The following DCC variants were observed in gnomAD, a reference collection of about 807,000 sequenced individuals.
DCC encodes DCC netrin 1 receptor, also known as netrin receptor DCC.
In DCC, 58 loss-of-function variants were observed where a neutral mutation model predicts 172.5. The observed-to-expected ratio is 0.34, with a 90% CI of 0.27 to 0.42. DCC has a LOEUF of 0.42. Ranked by LOEUF, DCC falls within the 10% of genes least tolerant of loss-of-function variation. DCC has a pLI of 1.00. For synonymous variants in DCC, 709 were observed against 644.5 expected, an observed-to-expected ratio of 1.10 and a Z score of -1.52; for missense variants, 1,740 against 1,791.0, an observed-to-expected ratio of 0.97 and a Z score of 0.51.
chr18:52,394,522 C>T (rs937505487), intron 1 of DCC, among the ~76,000 whole-genome samples: 1 of 151,924 alleles, frequency 6.6e-6, no homozygotes, highest in Non-Finnish European at 1.5e-5. Flanking sequence ...GGTGATCCTC[C>T]TGCCTTGGCC....
At chr18:53,334,872 T>A (rs2057574142) in intron 14 of DCC, among the ~76,000 whole-genome samples, 1 of 152,216 alleles carries the variant, frequency 6.6e-6, no homozygotes, top group African/African-American at 2.4e-5. Flanking sequence ...CTTTTGGCTA[T>A]TGTAAATGAT....
chr18:53,068,736 G>A (rs1444004837), intron 7 of DCC, among the ~76,000 whole-genome samples: 1 of 150,354 alleles, frequency 6.7e-6, no homozygotes, highest in Non-Finnish European at 1.5e-5. Flanking sequence ...TCCTGTACCA[G>A]CCAAGTTATA....
At chr18:52,662,200 T>A (rs948584454) in intron 1 of DCC, among the ~76,000 whole-genome samples, 1 of 152,192 alleles carries the variant, frequency 6.6e-6, no homozygotes, top group Admixed American at 6.6e-5. Flanking sequence ...CCTAGGAATA[T>A]ACATTTCTAA....
intron 2 of DCC, among the ~76,000 whole-genome samples, chr18:52,824,088 C>A (rs1468814172): frequency 6.6e-6 from 1 of 152,136 alleles, no homozygotes; most frequent in Non-Finnish European, 1.5e-5. Context: ...TGGTATCTTT[C>A]CATTTAAAAA....
chr18:52,572,765 T>G (rs1054120703), intron 1 of DCC, among the ~76,000 whole-genome samples: 1 of 151,912 alleles, frequency 6.6e-6, no homozygotes, highest in African/African-American at 2.4e-5. Context: ...TTCCTGGGAG[T>G]GATATAAAGT....
At chr18:52,512,274 T>G (rs1348458481) in intron 1 of DCC, among the ~76,000 whole-genome samples, 1 of 152,182 alleles carries the variant, frequency 6.6e-6, no homozygotes, top group African/African-American at 2.4e-5. Flanking sequence ...TCCATCTACA[T>G]TTCCTCCTTA....
chr18:53,377,369 G>GAA lies in DCC; in HGVS notation c.2360-8673_2360-8672insAA, dbSNP rs1355703767. On this transcript the variant is annotated intron_variant, in intron 15 of 28. Transcript: ENST00000442544. Reference sequence around the variant, plus strand: ...GATGCATTTGAGAGAGAGAGAGAGAGAGAGAGAGAGAGAGAGAGAGGAAGA... The same window carrying GAA: ...GATGCATTTGAGAGAGAGAGAGAGAGAAAGAGAGAGAGAGAGAGAGAGGAAGA... Among the ~76,000 whole-genome samples, 100 of 151,796 alleles carry GAA rather than the reference G, an allele frequency of 6.6e-4. 1 individual carries two copies. In the East Asian group the frequency reaches 8.2e-3, roughly 12 times the overall value.
rs566150391 is a variant in DCC at position 53,464,962 on chromosome 18, A to T, written c.3620-2932A>T. Reference sequence around the variant, plus strand: ...CCACTGCACTCCAGCCTGGGCGACAAGAGCAAAACTCAATCTCAAAAAAAA... The same window carrying T: ...CCACTGCACTCCAGCCTGGGCGACATGAGCAAAACTCAATCTCAAAAAAAA... On this transcript the variant is annotated intron_variant, in intron 24 of 28. Transcript: ENST00000442544. Among the ~76,000 whole-genome samples, 37 of 148,208 alleles carry T rather than the reference A, an allele frequency of 2.5e-4. No individual in the cohort carries two copies. The East Asian group carries it at 6.8e-3, about 27-fold the overall frequency.
At chr18:52,854,778 C>G (rs921387169) in intron 2 of DCC, among the ~76,000 whole-genome samples, 1 of 152,116 alleles carries the variant, frequency 6.6e-6, no homozygotes, top group Non-Finnish European at 1.5e-5. Context: ...ATATGTAATT[C>G]CAGAAAAGAA....
In DCC at chr18:52,912,448, A is replaced by G. The variant is rs377435718; in HGVS notation, c.697+6120A>G. Reference sequence around the variant, plus strand: ...GTATTAATTTGTCTACTGGTAGTTCATTACACATGCTTTAAGCTATTTATC... The same window carrying G: ...GTATTAATTTGTCTACTGGTAGTTCGTTACACATGCTTTAAGCTATTTATC... On this transcript the variant is annotated intron_variant, in intron 3 of 28. Transcript: ENST00000442544. Among the ~76,000 whole-genome samples, 11 of 152,028 alleles carry G rather than the reference A, an allele frequency of 7.2e-5. No individual in the cohort carries two copies. In the East Asian group the frequency reaches 7.7e-4, roughly 11 times the overall value.
intron 1 of DCC, among the ~76,000 whole-genome samples, chr18:52,595,262 C>G (rs1411862098): frequency 1.3e-5 from 2 of 151,566 alleles, no homozygotes; most frequent in African/African-American, 4.8e-5. Context: ...TTTTTTTATT[C>G]CATCCCCAAA....
intron 1 of DCC, among the ~76,000 whole-genome samples, chr18:52,370,380 T>C (rs1443987208): frequency 1.3e-5 from 2 of 152,138 alleles, no homozygotes; most frequent in Non-Finnish European, 2.9e-5. Flanking sequence ...ATATACACCA[T>C]GGAATAAAAG....
intron 5 of DCC, among the ~76,000 whole-genome samples, chr18:53,000,404 A>AG (rs991463877): frequency 9.2e-5 from 14 of 151,906 alleles, no homozygotes; most frequent in African/African-American, 3.4e-4. Flanking sequence ...GGGGGTTGTA[A>AG]GGAGGGATTG....
chr18:52,824,484 C>T (rs910835855), intron 2 of DCC, among the ~76,000 whole-genome samples: 2 of 151,980 alleles, frequency 1.3e-5, no homozygotes, highest in African/African-American at 2.4e-5. Flanking sequence ...GGCTTTAAAT[C>T]TGTATTCATA....
At chr18:52,695,065 T>A (rs948418806) in intron 1 of DCC, among the ~76,000 whole-genome samples, 1 of 152,110 alleles carries the variant, frequency 6.6e-6, no homozygotes, top group Non-Finnish European at 1.5e-5. Flanking sequence ...AATTTTGACA[T>A]CAGCTGTAAA....
chr18:52,890,711 A>G (rs770247170), intron 2 of DCC, among the ~76,000 whole-genome samples: 1 of 152,134 alleles, frequency 6.6e-6, no homozygotes, highest in Non-Finnish European at 1.5e-5. Flanking sequence ...AACTACAATT[A>G]CAATAAAATA....
At chr18:52,399,966 A>G (rs1986374542) in intron 1 of DCC, among the ~76,000 whole-genome samples, 1 of 152,048 alleles carries the variant, frequency 6.6e-6, no homozygotes, top group African/African-American at 2.4e-5. Context: ...GTAACAAATT[A>G]GTGACTACCT....
At chr18:52,418,205 A>G (rs914630345) in intron 1 of DCC, among the ~76,000 whole-genome samples, 1 of 152,216 alleles carries the variant, frequency 6.6e-6, no homozygotes, top group Non-Finnish European at 1.5e-5. Flanking sequence ...GTTAAGGAAA[A>G]AGAGAAATCT....
At chr18:53,323,306 A>G (rs947523877) in intron 14 of DCC, among the ~76,000 whole-genome samples, 39 of 152,206 alleles carry the variant, frequency 2.6e-4, no homozygotes, top group African/African-American at 9.1e-4. Context: ...CACTATCATT[A>G]ATGATTTTTC....
Sources: allele counts gnomAD v4.1 joint callset (sites outside exome capture counted in the v4.1 genomes callset), GRCh38; gene constraint gnomAD v4.1.1; transcripts MANE v1.5; gene names NCBI Gene and HGNC (gene_info 2026-07-23, HGNC 2026-07-21).